Variants in FMO1 observed in about 807,000 individuals in gnomAD.
The protein encoded by FMO1 is flavin containing dimethylaniline monoxygenase 1, also known as flavin-containing monooxygenase 1.
FMO1 carries 36 observed loss-of-function variants against 45.4 expected under a neutral mutation model. The ratio of observed to expected loss-of-function variants is 0.79; its 90% confidence interval spans 0.61 to 1.05. FMO1 has a LOEUF of 1.05. Ranked by LOEUF, FMO1 falls within the 50% of genes least tolerant of loss-of-function variation. FMO1 has a pLI of 0.00. For synonymous variants in FMO1, 228 were observed against 227.2 expected, an observed-to-expected ratio of 1.00 and a Z score of -0.03; for missense variants, 615 against 640.3, an observed-to-expected ratio of 0.96 and a Z score of 0.43.
chr1:171,284,006 TG>T (rs933311839), intron 8 of FMO1, among the ~76,000 whole-genome samples: 52 of 152,286 alleles, frequency 3.4e-4, no homozygotes, highest in African/African-American at 1.1e-3. Flanking sequence ...CTAGAGACAA[TG>T]GAAGACTGAT....
At chr1:171,284,668 G>T (rs982700856) in intron 8 of FMO1, among the ~76,000 whole-genome samples, 2 of 150,636 alleles carry the variant, frequency 1.3e-5, no homozygotes, top group Non-Finnish European at 2.9e-5. Context: ...GGAGTTCAAG[G>T]TTGCAGTGAG....
intron 4 of FMO1, among the ~76,000 whole-genome samples, chr1:171,275,720 T>A (rs1303664513): frequency 6.6e-6 from 1 of 152,110 alleles, no homozygotes; most frequent in African/African-American, 2.4e-5. Flanking sequence ...TGTGAATACA[T>A]AAGAGCAAAA....
chr1:171,254,252 C>G (rs1660046280), intron 1 of FMO1, among the ~76,000 whole-genome samples: 1 of 152,090 alleles, frequency 6.6e-6, no homozygotes, highest in Admixed American at 6.6e-5. Flanking sequence ...CCATGCCCAG[C>G]TAACTTTTTT....
At chr1:171,268,438 T>TA (rs1660711175) in intron 3 of FMO1, among the ~76,000 whole-genome samples, 1 of 152,184 alleles carries the variant, frequency 6.6e-6, no homozygotes, top group South Asian at 2.1e-4. Context: ...CAGTGGCCCA[T>TA]ACACAAGAGA....
rs1558019389 is a variant in FMO1, at chr1:171,282,222, C to A, written c.1072C>A (p.Pro358Thr). 1.2e-6 allele frequency: 2 copies of A among 1,613,988 alleles called. No individual in the cohort carries two copies. The highest frequency in any genetic ancestry group is 1.7e-6 in the Non-Finnish European group (2 of 1,179,898). The change falls in exon 7 of 9, where the codon CCT (proline) becomes ACT (threonine). Residue 358 changes from proline (P) to threonine (T), a missense_variant. Coordinates refer to ENST00000617670, the MANE Select transcript of FMO1 (RefSeq NM_001282693.2). ...GGCCTCACTGTACAAGTATATCTTC[C>A]CTGCACATCTGCAAAAGCCAACCCT... ...GQASLYKYIF[P>T]AHLQKPTLAI...
At chr1:171,252,206 A>G (rs1659925682) in intron 1 of FMO1, among the ~76,000 whole-genome samples, 1 of 152,164 alleles carries the variant, frequency 6.6e-6, no homozygotes, top group African/African-American at 2.4e-5. Context: ...ATGACCAGCT[A>G]CAGGATGCGA....
rs28384867 is a variant in FMO1 at position 171,262,308 on chromosome 1, G to A, written c.132+4089G>A. Reference sequence around the variant, plus strand: ...AAATTAGCCAGGCATGGTGGCGTGCGCCTGTAATCCCAGCTACCCAGTCTT... The same window carrying A: ...AAATTAGCCAGGCATGGTGGCGTGCACCTGTAATCCCAGCTACCCAGTCTT... On this transcript the variant is annotated intron_variant, in intron 2 of 8. Coordinates refer to ENST00000617670, the MANE Select transcript of FMO1 (RefSeq NM_001282693.2). Among the ~76,000 whole-genome samples the A allele has an allele frequency of 9.5e-3, 1,448 of 152,208 alleles. 14 individuals carry two copies. Among genetic ancestry groups the A allele is most frequent in the Middle Eastern group, 0.02 (6 of 294 alleles).
rs756344078 is a variant in FMO1, at chr1:171,282,059, A to T, written c.909A>T (p.Ile303=). 2 of 1,613,822 alleles carry T rather than the reference A, an allele frequency of 1.2e-6. No homozygotes were observed. The highest frequency in any genetic ancestry group is 2.2e-5 in the South Asian group (2 of 91,068). The change falls in exon 7 of 9, where the codon ATA becomes ATT. Residue 303 remains isoleucine (I), a synonymous_variant. Coordinates refer to ENST00000617670, the MANE Select transcript of FMO1 (RefSeq NM_001282693.2). The stretch of plus-strand genomic sequence containing the variant: ...GGAAAGTGTTCATCAGGCCAAGCAT[A>T]AAAGAGGTAAAGGAAAACTCTGTCA... The part of the protein sequence containing the change: ...ITGKVFIRPS[I]KEVKENSVIF...
chr1:171,280,041 C>T (rs1016243696), intron 5 of FMO1, among the ~76,000 whole-genome samples: 1 of 152,168 alleles, frequency 6.6e-6, no homozygotes, highest in African/African-American at 2.4e-5. Flanking sequence ...CCTCAGTTTT[C>T]ACTTTTAAAT....
At chr1:171,255,673 T>C (rs28384848) in intron 1 of FMO1, among the ~76,000 whole-genome samples, 1,585 of 152,222 alleles carry the variant, frequency 0.01, 19 homozygotes, top group South Asian at 0.02. Context: ...CAGGCCCCCC[T>C]CTACTGGCCT....
intron 3 of FMO1, among the ~76,000 whole-genome samples, chr1:171,274,398 C>T (rs1300210621): frequency 6.6e-6 from 1 of 151,626 alleles, no homozygotes; most frequent in East Asian, 1.9e-4. Flanking sequence ...GTAGCTGGGA[C>T]TACAGGCATG....
chr1:171,278,595 T>C (rs1558016383), intron 4 of FMO1, 134 bp from the exon 5 acceptor site: 2 of 601,378 alleles, frequency 3.3e-6, no homozygotes, highest in Non-Finnish European at 5.8e-6. Flanking sequence ...GTATTCATAT[T>C]TTCTCAAACT....
rs116703212 is a variant in FMO1, at chr1:171,257,374, T to G, written c.-6-708T>G. Among the ~76,000 whole-genome samples, 852 of 151,970 alleles carry G rather than the reference T, an allele frequency of 5.6e-3. 9 individuals carry two copies. The highest frequency in any genetic ancestry group is 0.02 in the African/African-American group (820 of 41,422). On this transcript the variant is annotated intron_variant, in intron 1 of 8. Transcript: ENST00000617670. ...GTGACTGTGCCATGTGCCCTGGAGGTGAATCAGTATCCAATTGAGAAGGGA... is the reference window on the plus strand; with the variant it reads ...GTGACTGTGCCATGTGCCCTGGAGGGGAATCAGTATCCAATTGAGAAGGGA...
chr1:171,269,261 C>T (rs570614815), intron 3 of FMO1, among the ~76,000 whole-genome samples: 1 of 152,168 alleles, frequency 6.6e-6, no homozygotes, highest in Non-Finnish European at 1.5e-5. Flanking sequence ...GAGGTTAGAA[C>T]AGTTTGGAGG....
intron 7 of FMO1, 119 bp from the exon 8 acceptor site, chr1:171,283,025 A>T: frequency 1.5e-6 from 1 of 661,138 alleles, no homozygotes; most frequent in Non-Finnish European, 2.7e-6. Context: ...TGCCAGAAGG[A>T]TCAATGAGTA....
intron 3 of FMO1, among the ~76,000 whole-genome samples, chr1:171,274,424 GT>G (rs1371740337): frequency 3.3e-5 from 5 of 151,612 alleles, no homozygotes; most frequent in African/African-American, 1.2e-4. Context: ...CCACACCTGG[GT>G]AATTTTTTGT....
chr1:171,250,007 A>G (rs569638267), intron 1 of FMO1, among the ~76,000 whole-genome samples: 19 of 152,276 alleles, frequency 1.2e-4, no homozygotes, highest in East Asian at 1.2e-3. Flanking sequence ...TTGGTGTGCA[A>G]TTTCTTCAAG....
At chr1:171,250,789 CTT>C (rs1659851681) in intron 1 of FMO1, among the ~76,000 whole-genome samples, 1 of 151,972 alleles carries the variant, frequency 6.6e-6, no homozygotes, top group Admixed American at 6.6e-5. Flanking sequence ...ATTTTTATCT[CTT>C]ATTTATTTTA....
At chr1:171,285,146 C>G in intron 8 of FMO1, 56 bp from the exon 9 acceptor site, 2 of 1,214,232 alleles carry the variant, frequency 1.6e-6, no homozygotes, top group Non-Finnish European at 2.3e-6. Context: ...TGTACTTGTT[C>G]TAAGATTATC....
Sources: allele counts gnomAD v4.1 joint callset (sites outside exome capture counted in the v4.1 genomes callset), GRCh38; gene constraint gnomAD v4.1.1; transcripts MANE v1.5; gene names NCBI Gene and HGNC (gene_info 2026-07-23, HGNC 2026-07-21).